The following DTNB variants were observed in gnomAD, a reference collection of about 807,000 sequenced individuals.
The protein encoded by DTNB is dystrobrevin beta, also known as DTN-B.
DTNB carries 63 observed loss-of-function variants against 90.7 expected under a neutral mutation model. The observed-to-expected ratio is 0.69, with a 90% CI of 0.57 to 0.86. The LOEUF (loss-of-function observed/expected upper bound fraction) is 0.86, where lower values mean the gene tolerates loss of function less well. Among genes scored for constraint, DTNB ranks in the 40% least tolerant of loss-of-function variants. The pLI, the probability that DTNB is intolerant of heterozygous loss-of-function variation, is 0.00. For synonymous variants in DTNB, 277 were observed against 286.7 expected, an observed-to-expected ratio of 0.97 and a Z score of 0.34; for missense variants, 744 against 807.1, an observed-to-expected ratio of 0.92 and a Z score of 0.95.
chr2:25,603,435 C>T (rs1318883926), intron 5 of DTNB, among the ~76,000 whole-genome samples: 3 of 152,076 alleles, frequency 2.0e-5, no homozygotes, highest in African/African-American at 7.2e-5. Flanking sequence ...CTCTAATGGC[C>T]ACAACAATGA....
At chr2:25,400,945 T>G (rs536292574) in intron 16 of DTNB, among the ~76,000 whole-genome samples, 10 of 152,316 alleles carry the variant, frequency 6.6e-5, no homozygotes, top group Non-Finnish European at 1.0e-4. Flanking sequence ...GCAAAGACCC[T>G]GAGAACCCGA....
intron 10 of DTNB, among the ~76,000 whole-genome samples, chr2:25,482,333 A>C (rs1360157987): frequency 6.6e-6 from 1 of 152,216 alleles, no homozygotes; most frequent in African/African-American, 2.4e-5. Flanking sequence ...TTTCCAACTT[A>C]AATGTTTATA....
At chr2:25,400,709 G>A (rs1274229050) in intron 16 of DTNB, among the ~76,000 whole-genome samples, 3 of 152,234 alleles carry the variant, frequency 2.0e-5, no homozygotes, top group African/African-American at 7.2e-5. Context: ...GATATAAGGA[G>A]TGGAATCTTG....
intron 6 of DTNB, among the ~76,000 whole-genome samples, chr2:25,585,994 T>C (rs1194992638): frequency 6.6e-6 from 1 of 152,212 alleles, no homozygotes. Context: ...TGCTTTTTCT[T>C]AGAGATATTT....
At chr2:25,393,262 C>A (rs1313652181) in intron 16 of DTNB, among the ~76,000 whole-genome samples, 1 of 152,110 alleles carries the variant, frequency 6.6e-6, no homozygotes, top group Non-Finnish European at 1.5e-5. Context: ...ATGACAAACC[C>A]AGAGCCAATA....
chr2:25,627,815 C>T (rs858660), intron 4 of DTNB, among the ~76,000 whole-genome samples: 3,348 of 151,308 alleles, frequency 0.022, 47 homozygotes, highest in African/African-American at 0.036. Flanking sequence ...CTGCTCACTG[C>T]AACCTCTGCC....
chr2:25,462,809 T>C (rs2150222247), intron 10 of DTNB, among the ~76,000 whole-genome samples: 1 of 152,144 alleles, frequency 6.6e-6, no homozygotes, highest in South Asian at 2.1e-4. Context: ...GTTCACGCCA[T>C]TCTCCTGCCT....
chr2:25,498,079 T>C (rs2069417143), intron 9 of DTNB, among the ~76,000 whole-genome samples: 2 of 152,156 alleles, frequency 1.3e-5, no homozygotes, highest in South Asian at 4.1e-4. Flanking sequence ...TCCCAGGGCC[T>C]CCTCATTGTC....
chr2:25,600,188 C>G (rs1240597092), intron 5 of DTNB, among the ~76,000 whole-genome samples: 1 of 152,240 alleles, frequency 6.6e-6, no homozygotes, highest in Non-Finnish European at 1.5e-5. Flanking sequence ...TGGGAGGTGG[C>G]AGACACTGCC....
At chr2:25,499,329 A>G (rs767647011) in intron 9 of DTNB, among the ~76,000 whole-genome samples, 15 of 152,182 alleles carry the variant, frequency 9.9e-5, no homozygotes, top group Non-Finnish European at 2.1e-4. Flanking sequence ...ACTTTGGACA[A>G]TGAAGCCCTG....
chr2:25,462,727 G>A (rs932437054), intron 10 of DTNB, among the ~76,000 whole-genome samples: 2 of 149,664 alleles, frequency 1.3e-5, no homozygotes, highest in African/African-American at 2.5e-5. Context: ...TTTTTGAGAC[G>A]GAGTCTCGCT....
At chr2:25,443,087 CAA>C (rs1458724937) in intron 12 of DTNB, among the ~76,000 whole-genome samples, 1 of 152,090 alleles carries the variant, frequency 6.6e-6, no homozygotes. Context: ...AAAAATTAAA[CAA>C]TAATCAAAGA....
At chr2:25,490,638 C>T (rs554835312) in intron 9 of DTNB, among the ~76,000 whole-genome samples, 1 of 152,066 alleles carries the variant, frequency 6.6e-6, no homozygotes, top group Admixed American at 6.5e-5. Flanking sequence ...GAAAAGTAAA[C>T]CATGGTATAT....
At chr2:25,597,380 C>T (rs933403210) in intron 5 of DTNB, among the ~76,000 whole-genome samples, 3 of 151,706 alleles carry the variant, frequency 2.0e-5, no homozygotes, top group Non-Finnish European at 2.9e-5. Context: ...TATATATTCA[C>T]AGTGAAGAGG....
chr2:25,513,633 G>C (rs2074393933), intron 9 of DTNB, among the ~76,000 whole-genome samples: 1 of 151,452 alleles, frequency 6.6e-6, no homozygotes. Flanking sequence ...TGAGGCAGGA[G>C]AACTGCTTGA....
At position 25,423,629 on chromosome 2, in the gene DTNB, A is replaced by G. The variant is rs117934718; in HGVS notation, c.1554+3906T>C. Among the ~76,000 whole-genome samples the G allele has an allele frequency of 1.2e-3, 183 of 152,296 alleles. 7 individuals are homozygous for G. The East Asian group carries it at 0.034, about 28-fold the overall frequency. ...TTAAATGCTAGCATACTGAACATCA[A>G]TAAAAGCAGACAACCCCTTTTAAAT... On this transcript the variant is annotated intron_variant, in intron 15 of 20. Transcript: ENST00000406818.
chr2:25,416,736 G>A (rs1430275252), intron 16 of DTNB, among the ~76,000 whole-genome samples: 1 of 151,420 alleles, frequency 6.6e-6, no homozygotes, highest in Non-Finnish European at 1.5e-5. Context: ...CCCATTTAGG[G>A]TAAGACATTT....
intron 16 of DTNB, among the ~76,000 whole-genome samples, chr2:25,401,344 A>G (rs2043658741): frequency 1.3e-5 from 2 of 152,208 alleles, no homozygotes; most frequent in Non-Finnish European, 2.9e-5. Context: ...ATGTATAAAA[A>G]CAATCTCTTG....
chr2:25,487,048 C>T (rs1026658897), intron 9 of DTNB, among the ~76,000 whole-genome samples: 4 of 152,122 alleles, frequency 2.6e-5, no homozygotes, highest in Non-Finnish European at 5.9e-5. Context: ...ATCTGGTAGT[C>T]AGTAGAGGTA....
Sources: gnomAD v4.1 joint callset for allele counts (sites outside exome capture counted in the v4.1 genomes callset) on GRCh38, gnomAD v4.1.1 for gene constraint, MANE v1.5 for transcripts, NCBI Gene and HGNC (gene_info 2026-07-23, HGNC 2026-07-21) for gene names.